The following PRKAG2 variants were observed in gnomAD, a reference collection of about 807,000 sequenced individuals.
The protein encoded by PRKAG2 is protein kinase AMP-activated non-catalytic subunit gamma 2, also known as 5'-AMP-activated protein kinase subunit gamma-2.
Under a neutral mutation model 69.6 loss-of-function variants are expected in PRKAG2, and 26 were observed. The observed-to-expected ratio is 0.37, with a 90% CI of 0.27 to 0.52. PRKAG2 has a LOEUF of 0.52. Among genes scored for constraint, PRKAG2 ranks in the 20% least tolerant of loss-of-function variants. PRKAG2 has a pLI of 0.90. For missense variants in PRKAG2, 557 were observed against 740.0 expected (o/e 0.75, Z 2.87); for synonymous variants, 293 against 285.0 (o/e 1.03, Z -0.28).
chr7:151,668,179 G>A (rs1407504795), intron 4 of PRKAG2, among the ~76,000 whole-genome samples: 2 of 152,206 alleles, frequency 1.3e-5, no homozygotes, highest in Non-Finnish European at 2.9e-5. Flanking sequence ...TTGTTAAAAA[G>A]TGCCTGTCTT....
intron 1 of PRKAG2, among the ~76,000 whole-genome samples, chr7:151,866,409 A>C (rs112644586): frequency 4.6e-5 from 7 of 152,352 alleles, no homozygotes; most frequent in African/African-American, 1.7e-4. Context: ...ACTAATAACA[A>C]TACTAATATT....
chr7:151,769,164 C>A (rs1306550060), intron 3 of PRKAG2, among the ~76,000 whole-genome samples: 1 of 152,188 alleles, frequency 6.6e-6, no homozygotes, highest in East Asian at 1.9e-4. Context: ...AGGCTGTGAA[C>A]AAACCTCAGT....
At chr7:151,696,813 C>A (rs1169755701) in intron 3 of PRKAG2, among the ~76,000 whole-genome samples, 1 of 152,184 alleles carries the variant, frequency 6.6e-6, no homozygotes, top group Non-Finnish European at 1.5e-5. Context: ...GGAAAAAGAG[C>A]TGGAGAGTGG....
At chr7:151,702,121 T>G (rs924259539) in intron 3 of PRKAG2, among the ~76,000 whole-genome samples, 57 of 152,244 alleles carry the variant, frequency 3.7e-4, no homozygotes, top group African/African-American at 1.4e-3. Flanking sequence ...GCTACCAAGA[T>G]GGACAGCATG....
chr7:151,858,464 A>G (rs2079838770), intron 1 of PRKAG2, among the ~76,000 whole-genome samples: 1 of 152,236 alleles, frequency 6.6e-6, no homozygotes, highest in Admixed American at 6.5e-5. Flanking sequence ...TCATAAAGAT[A>G]CGTGTCAGGG....
intron 4 of PRKAG2, among the ~76,000 whole-genome samples, chr7:151,654,104 A>T (rs1337882307): frequency 6.6e-6 from 1 of 151,930 alleles, no homozygotes; most frequent in African/African-American, 2.4e-5. Context: ...GGTTTTCTTT[A>T]TCTGTTTTTG....
intron 3 of PRKAG2, among the ~76,000 whole-genome samples, chr7:151,680,392 C>T (rs757189717): frequency 2.0e-5 from 3 of 152,210 alleles, no homozygotes; most frequent in Non-Finnish European, 2.9e-5. Flanking sequence ...CAGGGATCCT[C>T]GTTCCTTTCA....
intron 1 of PRKAG2, chr7:151,810,876 G>A (rs373264973): frequency 3.9e-5 from 6 of 153,736 alleles, no homozygotes; most frequent in African/African-American, 1.4e-4. Context: ...CAGAGCACAG[G>A]GGGAGAGGTG....
intron 1 of PRKAG2, among the ~76,000 whole-genome samples, chr7:151,794,630 G>A (rs2077410441): frequency 6.6e-6 from 1 of 152,224 alleles, no homozygotes; most frequent in African/African-American, 2.4e-5. Context: ...CGGAAGCCAG[G>A]GCAGTTGCTC....
At chr7:151,738,539 C>A (rs990036380) in intron 3 of PRKAG2, among the ~76,000 whole-genome samples, 9 of 152,280 alleles carry the variant, frequency 5.9e-5, no homozygotes, top group Admixed American at 4.6e-4. Flanking sequence ...GCAAGGAACA[C>A]CTGGCCTGCC....
rs1363323040 is a variant in PRKAG2, at chr7:151,754,105, G to A, written c.466+27047C>T. The stretch of plus-strand genomic sequence containing the variant: ...CCTTTTACTGTCTCCGAAGGTGGGA[G>A]CATCACCAAAGCAGGCCCTGAGAGA... On this transcript the variant is annotated intron_variant, in intron 3 of 15. Coordinates refer to ENST00000287878, the MANE Select transcript of PRKAG2 (RefSeq NM_016203.4). 3.3e-5 allele frequency among the ~76,000 whole-genome samples: 5 copies of A among 152,244 alleles called. No homozygotes were observed. In the East Asian group the frequency reaches 9.6e-4, roughly 29 times the overall value.
chr7:151,592,064 C>T (rs532500273), intron 6 of PRKAG2, among the ~76,000 whole-genome samples: 3 of 152,308 alleles, frequency 2.0e-5, no homozygotes, highest in Admixed American at 6.5e-5. Context: ...TCGCCCAGGC[C>T]TGTGAAGTAC....
At chr7:151,635,866 AT>A (rs1202730297) in intron 4 of PRKAG2, among the ~76,000 whole-genome samples, 3,644 of 139,756 alleles carry the variant, frequency 0.026, 101 homozygotes, top group African/African-American at 0.082. Context: ...ATGACAATAA[AT>A]TTTTTTTTTT....
intron 9 of PRKAG2, 83 bp downstream of exon 9, chr7:151,572,581 G>T: frequency 1.0e-6 from 1 of 996,786 alleles, no homozygotes; most frequent in Non-Finnish European, 1.6e-6. Flanking sequence ...GAGAGAAAAG[G>T]ATCTGCAAAA....
chr7:151,851,486 G>A (rs2079567826), intron 1 of PRKAG2, among the ~76,000 whole-genome samples: 1 of 152,234 alleles, frequency 6.6e-6, no homozygotes, highest in Non-Finnish European at 1.5e-5. Flanking sequence ...GCGGGGATCT[G>A]AGACGTGGAG....
chr7:151,813,202 G>T (rs1414986151), intron 1 of PRKAG2, among the ~76,000 whole-genome samples: 6 of 152,098 alleles, frequency 3.9e-5, no homozygotes, highest in Non-Finnish European at 7.3e-5. Context: ...ATGTTTTGGG[G>T]CCTCCTGCCT....
rs943939902 is a variant in PRKAG2 at position 151,614,971 on chromosome 7, C to T, written c.754+17098G>A. Among the ~76,000 whole-genome samples, 1 of 152,004 alleles carries T rather than the reference C, an allele frequency of 6.6e-6. No homozygotes were observed. Among genetic ancestry groups the T allele is most frequent in the African/African-American group, 2.4e-5 (1 of 41,408 alleles). On this transcript the variant is annotated intron_variant, in intron 5 of 15. Coordinates refer to ENST00000287878, the MANE Select transcript of PRKAG2 (RefSeq NM_016203.4). The surrounding 1 kb of genome is among the most constrained non-coding windows in gnomAD (Gnocchi z 4.4). ...CCTCGAGAGAGGAGCCGTATGGATC[C>T]AGAGGGAACCTCGAGAGAGGAGCCG...
intron 1 of PRKAG2, among the ~76,000 whole-genome samples, chr7:151,842,734 AGTAGTGATGGTAG>A (rs1487526896): frequency 1.3e-3 from 187 of 147,912 alleles, no homozygotes; most frequent in African/African-American, 4.6e-3. Flanking sequence ...TGGTTGTGAT[AGTAGTGATGGTAG>A]GTAGTGATGG....
chr7:151,649,741 C>A (rs540040453), intron 4 of PRKAG2, among the ~76,000 whole-genome samples: 1 of 152,132 alleles, frequency 6.6e-6, no homozygotes, highest in Non-Finnish European at 1.5e-5. Context: ...GAGGTATGTG[C>A]GGCCCCTTCA....
Sources: gnomAD v4.1 joint callset for allele counts (sites outside exome capture counted in the v4.1 genomes callset) on GRCh38, gnomAD v4.1.1 for gene constraint, Gnocchi (gnomAD v3.1) non-coding constraint, MANE v1.5 for transcripts, NCBI Gene and HGNC (gene_info 2026-07-23, HGNC 2026-07-21) for gene names.